BRD7: variants seen among roughly 807,000 people sequenced by gnomAD.
BRD7 encodes the protein bromodomain containing 7, also known as bromodomain-containing protein 7.
Under a neutral mutation model 82.1 loss-of-function variants are expected in BRD7, and 15 were observed. The ratio of observed to expected loss-of-function variants is 0.18; its 90% confidence interval spans 0.12 to 0.28. The LOEUF (loss-of-function observed/expected upper bound fraction) is 0.28. BRD7 is among the 10% of genes least tolerant of loss of function. The pLI, the probability that BRD7 is intolerant of heterozygous loss-of-function variation, is 1.00. For missense variants in BRD7, 638 were observed against 779.9 expected (o/e 0.82, Z 2.17); for synonymous variants, 232 against 266.9 (o/e 0.87, Z 1.27).
At chr16:50,343,223 T>G (rs879520655) in intron 5 of BRD7, among the ~76,000 whole-genome samples, 1 of 152,206 alleles carries the variant, frequency 6.6e-6, no homozygotes, top group Non-Finnish European at 1.5e-5. Flanking sequence ...TAATCCCCAA[T>G]GTTGGGGGAA....
intron 5 of BRD7, among the ~76,000 whole-genome samples, chr16:50,345,169 A>C (rs2151179310): frequency 6.6e-6 from 1 of 152,362 alleles, no homozygotes; most frequent in South Asian, 2.1e-4. Flanking sequence ...AGCCAAACTA[A>C]GCTTCATAAG....
intron 12 of BRD7, 39 bp downstream of exon 12, chr16:50,323,548 G>A (rs760214393): frequency 3.6e-6 from 5 of 1,401,024 alleles, no homozygotes; most frequent in African/African-American, 2.8e-5. Context: ...CTTGAGAGTC[G>A]ATAATAAATT....
At chr16:50,365,758 AGAAC>A (rs2039117978) in intron 2 of BRD7, among the ~76,000 whole-genome samples, 1 of 152,152 alleles carries the variant, frequency 6.6e-6, no homozygotes, top group South Asian at 2.1e-4. Flanking sequence ...CCCTGAAGGA[AGAAC>A]CCTCCCCCAC....
chr16:50,359,141 T>C (rs1484401384), intron 2 of BRD7, among the ~76,000 whole-genome samples: 2 of 152,248 alleles, frequency 1.3e-5, no homozygotes, highest in Admixed American at 6.5e-5. Context: ...TAAATTCTGT[T>C]AATTACACAG....
In BRD7 at chr16:50,366,741, T is replaced by C. The variant is rs549572265; in HGVS notation, c.258+1349A>G. Among the ~76,000 whole-genome samples the C allele has an allele frequency of 3.3e-5, 5 of 152,314 alleles. No individual in the cohort carries two copies. The East Asian group carries it at 7.7e-4, about 23-fold the overall frequency. ...GTCCAGAGTGGAGCAGCAGCCTGCT[T>C]TGTGTCAAAAAGCTGTGTAGTACTC... On this transcript the variant is annotated intron_variant, in intron 2 of 16. Coordinates refer to ENST00000394688, the MANE Select transcript of BRD7 (RefSeq NM_013263.5).
At position 50,368,917 on chromosome 16, in the gene BRD7, C is replaced by T. The variant is rs1482378548; in HGVS notation, c.-143G>A. 1.0e-5 allele frequency: 3 copies of T among 286,278 alleles called. No individual in the cohort carries two copies. The highest frequency in any genetic ancestry group is 1.6e-5 in the Non-Finnish European group (3 of 193,508). 17.7% of individuals were successfully genotyped at this position (286,278 alleles called of 1,614,324 possible). ...AGGCAGGGGGGCGGCGCGCGCCGGG[C>T]GGCGCGATGCCCCTCTCGAGAAGAC... On this transcript the variant is annotated 5_prime_UTR_variant, in exon 1 of 17. Transcript: ENST00000394688.
At chr16:50,352,220 A>G (rs566219850) in intron 4 of BRD7, among the ~76,000 whole-genome samples, 2 of 152,216 alleles carry the variant, frequency 1.3e-5, no homozygotes, top group Non-Finnish European at 1.5e-5. Flanking sequence ...ATGTTGTAAC[A>G]AAGTTTGAGG....
intron 6 of BRD7, among the ~76,000 whole-genome samples, chr16:50,339,075 A>G (rs79045204): frequency 0.016 from 2,408 of 152,302 alleles, 62 homozygotes; most frequent in African/African-American, 0.054. Flanking sequence ...ACTGTGTATA[A>G]TATCTCATGT....
chr16:50,361,146 C>T (rs1375683863), intron 2 of BRD7, among the ~76,000 whole-genome samples: 13 of 152,132 alleles, frequency 8.5e-5, no homozygotes, highest in Non-Finnish European at 7.4e-5. Flanking sequence ...AGTAAATATA[C>T]ACAAAGAATT....
chr16:50,366,293 C>G (rs1043947912), intron 2 of BRD7, among the ~76,000 whole-genome samples: 2 of 152,134 alleles, frequency 1.3e-5, no homozygotes, highest in Non-Finnish European at 2.9e-5. Flanking sequence ...GGCATGAGAT[C>G]CAGGAAGCAG....
intron 6 of BRD7, among the ~76,000 whole-genome samples, chr16:50,335,649 G>A (rs544790269): frequency 6.6e-6 from 1 of 152,348 alleles, no homozygotes; most frequent in East Asian, 1.9e-4. Context: ...GGGCTGCACA[G>A]CAACAGCAGG....
chr16:50,340,884 T>A (rs2038018098), intron 5 of BRD7, among the ~76,000 whole-genome samples: 1 of 152,058 alleles, frequency 6.6e-6, no homozygotes. Flanking sequence ...CCTTACTAAG[T>A]TGAAAGAAAA....
chr16:50,319,210 C>G lies in BRD7; in HGVS notation c.*1G>C, dbSNP rs751528435. The G allele has an allele frequency of 6.2e-7, 1 of 1,611,618 alleles. No homozygotes were observed. The highest frequency in any genetic ancestry group is 1.1e-5 in the South Asian group (1 of 90,678). Reference sequence around the variant, plus strand: ...AATATATAATCAAATACCAGGCAGCCTCAACTTCCACCAGGTCCACACTCA... The same window carrying G: ...AATATATAATCAAATACCAGGCAGCGTCAACTTCCACCAGGTCCACACTCA... On this transcript the variant is annotated 3_prime_UTR_variant, in exon 17 of 17. Transcript: ENST00000394688.
intron 12 of BRD7, among the ~76,000 whole-genome samples, chr16:50,323,342 AT>A (rs1163577453): frequency 6.6e-6 from 1 of 152,132 alleles, no homozygotes; most frequent in Non-Finnish European, 1.5e-5. Context: ...TGTAAACCCC[AT>A]TTTTGAGTCC....
intron 9 of BRD7, among the ~76,000 whole-genome samples, chr16:50,326,896 T>C (rs946786889): frequency 6.6e-6 from 1 of 152,050 alleles, no homozygotes; most frequent in Non-Finnish European, 1.5e-5. Flanking sequence ...ATACGTGACA[T>C]AGAGAAATGT....
chr16:50,346,296 A>G (rs541277128), intron 5 of BRD7, among the ~76,000 whole-genome samples: 1 of 152,226 alleles, frequency 6.6e-6, no homozygotes, highest in Non-Finnish European at 1.5e-5. Context: ...TTATAGCACT[A>G]AATGCCCACA....
At position 50,326,399 on chromosome 16, in the gene BRD7, A is replaced by G; in HGVS notation, c.1088-8T>C. 1 of 1,557,718 alleles carries G rather than the reference A, an allele frequency of 6.4e-7. No individual in the cohort carries two copies. Among genetic ancestry groups the G allele is most frequent in the African/African-American group, 1.4e-5 (1 of 73,124 alleles). On this transcript the variant is annotated splice_region_variant and splice_polypyrimidine_tract_variant and intron_variant, in intron 9 of 16. Transcript: ENST00000394688. ...CAGGGCAGTAGCCTGGCTCTACAAC[A>G]TAAAACAGAGCACAGTGAAGGAGGC...
chr16:50,322,161 A>AT (rs1460523263), intron 12 of BRD7, 123 bp from the exon 13 acceptor site: 12 of 730,044 alleles, frequency 1.6e-5, no homozygotes, highest in African/African-American at 3.6e-5. Context: ...CTACTGGAAT[A>AT]TAATTTTTCA....
intron 2 of BRD7, among the ~76,000 whole-genome samples, chr16:50,361,263 A>G (rs2038923941): frequency 1.3e-5 from 2 of 152,232 alleles, no homozygotes; most frequent in South Asian, 2.1e-4. Context: ...TACTTACTGG[A>G]ATTTACTGTA....
Sources: gnomAD v4.1 joint callset for allele counts (sites outside exome capture counted in the v4.1 genomes callset) on GRCh38, gnomAD v4.1.1 for gene constraint, MANE v1.5 for transcripts, NCBI Gene and HGNC (gene_info 2026-07-23, HGNC 2026-07-21) for gene names.